Variants in FASN observed in about 807,000 individuals in gnomAD.
FASN encodes the protein 3-hydroxyacyl-[acyl-carrier-protein] dehydratase.
FASN carries 50 observed loss-of-function variants against 250.0 expected under a neutral mutation model. The ratio of observed to expected loss-of-function variants is 0.20; its 90% CI spans 0.16 to 0.25. The LOEUF (loss-of-function observed/expected upper bound fraction) is 0.25. Among genes scored for constraint, FASN ranks in the 10% least tolerant of loss-of-function variants. The pLI is 1.00. For synonymous variants in FASN, 1,909 were observed against 1,584.0 expected, an observed-to-expected ratio of 1.21 and a Z score of -4.87; for missense variants, 3,031 against 3,498.5, an observed-to-expected ratio of 0.87 and a Z score of 3.37.
At chr17:82,089,868 G>A (rs968310618) in intron 11 of FASN, 142 bp from the exon 12 acceptor site, 6 of 767,648 alleles carry the variant, frequency 7.8e-6, no homozygotes, top group South Asian at 4.7e-5. Context: ...AGAAAGGTTC[G>A]CCCCCTGCTG....
Position 82,079,058 on chromosome 17 carries a change from C to T in FASN, c.*85G>A, listed in dbSNP as rs1048272745. Reference sequence around the variant, plus strand: ...CCGGACAGGGTCCCACCGGCAGGACCCTTCAATCCCGTTGCATGGCGGGGG... The same window carrying T: ...CCGGACAGGGTCCCACCGGCAGGACTCTTCAATCCCGTTGCATGGCGGGGG... On this transcript the variant is annotated 3_prime_UTR_variant, in exon 43 of 43. Transcript: ENST00000306749. 15 of 1,421,884 alleles carry T rather than the reference C, an allele frequency of 1.1e-5. No homozygotes were observed. The highest frequency in any genetic ancestry group is 1.4e-5 in the Non-Finnish European group (15 of 1,055,916). 88.1% of individuals were successfully genotyped at this position (1,421,884 alleles called of 1,614,324 possible).
At position 82,090,554 on chromosome 17, in the gene FASN, A is replaced by G. The variant is rs2034186824; in HGVS notation, c.1691T>C (p.Ile564Thr). The G allele has an allele frequency of 6.2e-7, 1 of 1,611,058 alleles. No homozygotes were observed. Among genetic ancestry groups the G allele is most frequent in the Non-Finnish European group, 8.5e-7 (1 of 1,179,144 alleles). The stretch of plus-strand genomic sequence containing the variant: ...CAGCCCCATGCAGCTCAGCAGGTCT[A>G]TGAGGCCTATCTGGGGTGGGAACAG... Reference protein sequence around the residue: ...VSLTAIQIGLIDLLSCMGLRP... With the variant: ...VSLTAIQIGLTDLLSCMGLRP... The change falls in exon 11 of 43, where the codon ATA (isoleucine) becomes ACA (threonine). Residue 564 changes from isoleucine to threonine, a missense_variant. Transcript: ENST00000306749.
At chr17:82,087,585 C>A (rs2034128006) in intron 19 of FASN, 81 bp from the exon 20 acceptor site, 3 of 1,600,730 alleles carry the variant, frequency 1.9e-6, no homozygotes, top group Non-Finnish European at 2.5e-6. Context: ...CCCCTCTGCT[C>A]CCTCCCAAGC....
intron 22 of FASN, 44 bp downstream of exon 22, chr17:82,086,210 T>C (rs1428867977): frequency 2.0e-6 from 3 of 1,536,566 alleles, no homozygotes; most frequent in East Asian, 2.4e-5. Flanking sequence ...GGGTGGGTCC[T>C]ACCATGTCCG....
chr17:82,083,629 C>T lies in FASN; in HGVS notation c.5229G>A (p.Leu1743=), dbSNP rs1171992009. The part of the protein sequence containing the change: ...LWHTGGKGVD[L]VLNSLAEEKL... ...TCTCTTCCGCCAAGGAGTTCAAGAC[C>T]AGGTCAACGCCTAGGGGGCCAGAGG... is the stretch of plus-strand genomic sequence containing the variant. Residue 1743 remains leucine, a synonymous_variant, in exon 31 of 43, where the codon CTG becomes CTA. Coordinates refer to ENST00000306749, the MANE Select transcript of FASN (RefSeq NM_004104.5). 6.2e-7 allele frequency: 1 copy of T among 1,609,054 alleles called. No individual in the cohort carries two copies. Among genetic ancestry groups the T allele is most frequent in the Admixed American group, 1.7e-5 (1 of 59,354 alleles).
At position 82,083,120 on chromosome 17, in the gene FASN, G is replaced by T; in HGVS notation, c.5566-5C>A. 1 of 1,610,098 alleles carries T rather than the reference G, an allele frequency of 6.2e-7. No individual in the cohort carries two copies. Among genetic ancestry groups the T allele is most frequent in the South Asian group, 1.1e-5 (1 of 91,084 alleles). ...CTCCGGCTCCTCCGCAAGCACCTGC[G>T]TCCAAGCAGCACCCACCGGCTCAGG... On this transcript the variant is annotated splice_region_variant and splice_polypyrimidine_tract_variant and intron_variant, in intron 32 of 42. Coordinates refer to ENST00000306749, the MANE Select transcript of FASN (RefSeq NM_004104.5).
At chr17:82,080,988 C>T in intron 38 of FASN, 66 bp from the exon 39 acceptor site, 3 of 1,460,606 alleles carry the variant, frequency 2.1e-6, no homozygotes, top group Admixed American at 3.9e-5. Flanking sequence ...CGCAAGGACA[C>T]ACAGACACGC....
rs767294052 is a variant in FASN at position 82,084,727 on chromosome 17, A to C, written c.4565-11T>G. 1.0e-4 allele frequency: 158 copies of C among 1,555,244 alleles called. 1 individual carries two copies. Among genetic ancestry groups the C allele is most frequent in the Non-Finnish European group, 1.3e-4 (154 of 1,149,650 alleles). ...GCTCCTCAGGCTTGTCTAGGGAAAC[A>C]GGGAGGTGGGGCTGCTGCGGGGCCT... On this transcript the variant is annotated splice_polypyrimidine_tract_variant and intron_variant, in intron 26 of 42. Coordinates refer to ENST00000306749, the MANE Select transcript of FASN (RefSeq NM_004104.5).
At chr17:82,094,290 T>G (rs1275494966) in intron 3 of FASN, 9 of 207,932 alleles carry the variant, frequency 4.3e-5, no homozygotes, top group Non-Finnish European at 8.9e-5. Context: ...GAGCATAACC[T>G]TAGTCTTGGG....
chr17:82,086,603 G>T, intron 21 of FASN, 45 bp from the exon 22 acceptor site: 2 of 1,446,586 alleles, frequency 1.4e-6, no homozygotes. Flanking sequence ...AAGCCCCAGG[G>T]CATCTGCCTG....
Position 82,086,928 on chromosome 17 carries a change from T to C in FASN, c.3427+122A>G, listed in dbSNP as rs949068825. On this transcript the variant is annotated intron_variant, in intron 21 of 42. Coordinates refer to ENST00000306749, the MANE Select transcript of FASN (RefSeq NM_004104.5). ...CCATCGTGAGCTCCGGCCGGAGGGT[T>C]GGGCTAGGGTTGCTGACCCCAAAGG... The C allele has an allele frequency of 5.5e-5, 60 of 1,091,282 alleles. No homozygotes were observed. In the Middle Eastern group the frequency reaches 2.0e-3, roughly 36 times the overall value. 67.6% of individuals were successfully genotyped at this position (1,091,282 alleles called of 1,614,324 possible).
In FASN at chr17:82,085,110, G is replaced by A. The variant is rs1461230975; in HGVS notation, c.4334C>T (p.Ala1445Val). The A allele has an allele frequency of 2.5e-6, 4 of 1,612,540 alleles. No individual in the cohort carries two copies. The African/African-American group carries it at 5.3e-5, about 22-fold the overall frequency. Residue 1445 changes from alanine to valine, a missense_variant, in exon 25 of 43, where the codon GCC (alanine) becomes GTC (valine). Transcript: ENST00000306749. ...EDSSRPVWLK[A>V]INCATSGVVG... Reference sequence around the variant, plus strand: ...CACGCCCGAGGTGGCACAGTTGATGGCCTTCAGCCACACAGGCCGGGAAGA... The same window carrying A: ...CACGCCCGAGGTGGCACAGTTGATGACCTTCAGCCACACAGGCCGGGAAGA...
rs1238211690 is a variant in FASN, at chr17:82,091,214, G to A, written c.1492+8C>T. Reference sequence around the variant, plus strand: ...AGGGACCACCTTGGGGGCAGAGTGTGGGCTCACCAGAGCAGATGAACCAGA... The same window carrying A: ...AGGGACCACCTTGGGGGCAGAGTGTAGGCTCACCAGAGCAGATGAACCAGA... On this transcript the variant is annotated splice_region_variant and intron_variant, in intron 9 of 42. Transcript: ENST00000306749. 1 of 1,601,132 alleles carries A rather than the reference G, an allele frequency of 6.2e-7. No homozygotes were observed. The highest frequency in any genetic ancestry group is 8.5e-7 in the Non-Finnish European group (1 of 1,176,740).
chr17:82,080,876 C>T lies in FASN; in HGVS notation c.6642G>A (p.Gln2214=). 2 of 1,611,298 alleles carry T rather than the reference C, an allele frequency of 1.2e-6. No homozygotes were observed. Among genetic ancestry groups the T allele is most frequent in the Non-Finnish European group, 1.7e-6 (2 of 1,179,518 alleles). Residue 2214 remains glutamine (Q), a synonymous_variant, in exon 39 of 43, where the codon CAG becomes CAA. Coordinates refer to ENST00000306749, the MANE Select transcript of FASN (RefSeq NM_004104.5). ...GCAGGGAGCGCAGGTTCAGCTGAGT[C>T]TGCTGCTGGGCCAGACCATCCTCCT... ...TPKEDGLAQQ[Q]TQLNLRSLLV... is the part of the protein sequence containing the mutation.
chr17:82,092,626 G>C, intron 7 of FASN, 37 bp from the exon 8 acceptor site: 1 of 1,557,162 alleles, frequency 6.4e-7, no homozygotes, highest in Non-Finnish European at 8.7e-7. Flanking sequence ...CTCTGGCCAG[G>C]TCACCTCTCC....
intron 10 of FASN, 39 bp downstream of exon 10, chr17:82,090,843 G>T: frequency 6.4e-7 from 1 of 1,553,034 alleles, no homozygotes; most frequent in Non-Finnish European, 8.7e-7. Context: ...CAGAGCCCTG[G>T]GGCTGGCGTT....
Position 82,080,597 on chromosome 17 carries a change from T to C in FASN, c.6827-7A>G, listed in dbSNP as rs902915928. 2.6e-6 allele frequency: 4 copies of C among 1,553,594 alleles called. No individual in the cohort carries two copies. The African/African-American group carries it at 4.1e-5, about 16-fold the overall frequency. On this transcript the variant is annotated splice_region_variant and splice_polypyrimidine_tract_variant and intron_variant, in intron 39 of 42. Transcript: ENST00000306749. ...ATGCTGTCAAGGGGCGCAGCTGCAA[T>C]GGCAGTGCCGGGCACTCAGCATGTG... is the stretch of plus-strand genomic sequence containing the variant.
rs746487118 is a variant in FASN at position 82,091,520 on chromosome 17, G to C, written c.1194C>G (p.Ser398=). The C allele has an allele frequency of 1.2e-6, 2 of 1,603,210 alleles. No individual in the cohort carries two copies. The highest frequency in any genetic ancestry group is 1.7e-6 in the Non-Finnish European group (2 of 1,175,934). The change falls in exon 9 of 43, where the codon TCC becomes TCG. Residue 398 remains serine (S), a synonymous_variant. Coordinates refer to ENST00000306749, the MANE Select transcript of FASN (RefSeq NM_004104.5). ...VGINSFGFGG[S]NVHIILRPNT... ...TGGGCCTCAGGATGATGTGCACGTTGGAGCCCCCGAAGCCAAAGGAGTTGA... is the reference window on the plus strand; with the variant it reads ...TGGGCCTCAGGATGATGTGCACGTTCGAGCCCCCGAAGCCAAAGGAGTTGA...
intron 3 of FASN, among the ~76,000 whole-genome samples, chr17:82,094,813 A>T (rs1012268762): frequency 1.3e-5 from 2 of 151,660 alleles, no homozygotes; most frequent in African/African-American, 4.9e-5. Context: ...AATAAAAATA[A>T]AAATAAAAAA....
Sources: gnomAD v4.1 joint callset for allele counts (sites outside exome capture counted in the v4.1 genomes callset) on GRCh38, gnomAD v4.1.1 for gene constraint, MANE v1.5 for transcripts, NCBI Gene and HGNC (gene_info 2026-07-23, HGNC 2026-07-21) for gene names.